The following FILIP1L variants were observed in gnomAD, a reference collection of about 807,000 sequenced individuals.
The protein encoded by FILIP1L is filamin A-interacting protein 1-like.
Under a neutral mutation model 96.6 loss-of-function variants are expected in FILIP1L, and 55 were observed. The ratio of observed to expected loss-of-function variants is 0.57; its 90% CI spans 0.46 to 0.71. The LOEUF (loss-of-function observed/expected upper bound fraction) is 0.71, where lower values mean the gene tolerates loss of function less well. Among genes scored for constraint, FILIP1L ranks in the 30% least tolerant of loss-of-function variants. The pLI is 0.00. For missense variants in FILIP1L, 1,304 were observed against 1,321.2 expected (o/e 0.99, Z 0.20); for synonymous variants, 467 against 473.9 (o/e 0.99, Z 0.19).
At chr3:99,843,972 T>G (rs1054724736) in intron 5 of FILIP1L, among the ~76,000 whole-genome samples, 2 of 152,178 alleles carry the variant, frequency 1.3e-5, no homozygotes, top group African/African-American at 4.8e-5. Flanking sequence ...GTGGACAGTT[T>G]CATCCTGAAA....
intron 1 of FILIP1L, among the ~76,000 whole-genome samples, chr3:100,041,749 T>C (rs1347805141): frequency 6.6e-6 from 1 of 152,210 alleles, no homozygotes; most frequent in Non-Finnish European, 1.5e-5. Flanking sequence ...CTATGTAGCA[T>C]GGTTTTAGAC....
chr3:100,012,275 A>G (rs1710179548), intron 1 of FILIP1L, among the ~76,000 whole-genome samples: 1 of 152,142 alleles, frequency 6.6e-6, no homozygotes, highest in Admixed American at 6.5e-5. Context: ...TACTTTGTCA[A>G]CCAATTAGAA....
chr3:99,968,710 CAG>C (rs759394370), intron 1 of FILIP1L, among the ~76,000 whole-genome samples: 8 of 152,072 alleles, frequency 5.3e-5, no homozygotes, highest in Non-Finnish European at 7.4e-5. Flanking sequence ...AAGGAAAAAA[CAG>C]AGAAATAAGA....
At chr3:99,935,290 T>C (rs1320076813) in intron 1 of FILIP1L, among the ~76,000 whole-genome samples, 8 of 152,008 alleles carry the variant, frequency 5.3e-5, no homozygotes, top group Non-Finnish European at 8.8e-5. Flanking sequence ...GAAAGTTGCT[T>C]TTTGTGTATG....
chr3:100,000,825 G>A (rs1295288202), intron 1 of FILIP1L, among the ~76,000 whole-genome samples: 1 of 152,222 alleles, frequency 6.6e-6, no homozygotes, highest in African/African-American at 2.4e-5. Context: ...ATAACATACA[G>A]ATTGGTTTAC....
intron 1 of FILIP1L, among the ~76,000 whole-genome samples, chr3:99,976,963 T>A (rs1708991119): frequency 6.6e-6 from 1 of 152,224 alleles, no homozygotes; most frequent in South Asian, 2.1e-4. Context: ...CCTGTGTGAC[T>A]GCACCTTGCA....
rs535761173 is a variant in FILIP1L at position 99,829,162 on chromosome 3, T to C, written c.*1252A>G. 1.4e-4 allele frequency among the ~76,000 whole-genome samples: 21 copies of C among 152,342 alleles called. No individual in the cohort carries two copies. The highest frequency in any genetic ancestry group is 7.2e-4 in the Admixed American group (11 of 15,304). On this transcript the variant is annotated 3_prime_UTR_variant, in exon 6 of 6. Coordinates refer to ENST00000477258, the MANE Select transcript of FILIP1L (RefSeq NM_001387850.1). The stretch of plus-strand genomic sequence containing the variant: ...AAAGCAGTCCTTAACCATGAGGATT[T>C]CTTCCAGGGTCATGCTTCCAGTTTT...
intron 5 of FILIP1L, among the ~76,000 whole-genome samples, chr3:99,835,123 TTCCTC>T (rs372010749): frequency 1.3e-5 from 2 of 152,348 alleles, no homozygotes; most frequent in Non-Finnish European, 2.9e-5. Flanking sequence ...TCTCTCAACT[TTCCTC>T]TCTCTCCAAT....
chr3:99,911,568 C>G (rs1706790095), intron 4 of FILIP1L, among the ~76,000 whole-genome samples: 2 of 152,048 alleles, frequency 1.3e-5, no homozygotes, highest in East Asian at 1.9e-4. Context: ...CATCCTCACC[C>G]GAGGCTTAAC....
chr3:100,046,769 A>T (rs1042544129), intron 1 of FILIP1L, among the ~76,000 whole-genome samples: 2 of 152,198 alleles, frequency 1.3e-5, no homozygotes, highest in African/African-American at 4.8e-5. Flanking sequence ...AAACCTGATA[A>T]GGCCAGGTCT....
Position 99,958,286 on chromosome 3 carries a change from A to G in FILIP1L, c.-10-27256T>C, listed in dbSNP as rs141303635. Among the ~76,000 whole-genome samples the G allele has an allele frequency of 3.8e-3, 565 of 150,490 alleles. 3 individuals are homozygous for G. Among genetic ancestry groups the G allele is most frequent in the African/African-American group, 0.013 (538 of 41,068 alleles). On this transcript the variant is annotated intron_variant, in intron 1 of 5. Transcript: ENST00000477258. Reference sequence around the variant, plus strand: ...CATGGAGGTTTAGTTTGAATTTAAGAGAACAGTAACAGAAAGGGAAAATAA... The same window carrying G: ...CATGGAGGTTTAGTTTGAATTTAAGGGAACAGTAACAGAAAGGGAAAATAA...
intron 4 of FILIP1L, among the ~76,000 whole-genome samples, chr3:99,918,842 G>A (rs1220335024): frequency 6.6e-6 from 1 of 152,138 alleles, no homozygotes; most frequent in African/African-American, 2.4e-5. Context: ...ATTTTGTTCT[G>A]TCAAAGAACT....
intron 1 of FILIP1L, among the ~76,000 whole-genome samples, chr3:100,039,081 A>G (rs921394235): frequency 4.6e-5 from 7 of 152,240 alleles, no homozygotes; most frequent in African/African-American, 1.7e-4. Context: ...TTTAATGCTT[A>G]TAAAAAGAAT....
chr3:99,858,018 C>A (rs923025480), intron 4 of FILIP1L, among the ~76,000 whole-genome samples: 3 of 152,158 alleles, frequency 2.0e-5, no homozygotes, highest in Admixed American at 6.5e-5. Context: ...AGTTCCAGCA[C>A]AATTCAGTAA....
At chr3:100,111,604 G>A (rs1020193984) in intron 1 of FILIP1L, among the ~76,000 whole-genome samples, 3 of 152,160 alleles carry the variant, frequency 2.0e-5, no homozygotes, top group South Asian at 2.1e-4. Flanking sequence ...CTCTTTCAGT[G>A]TAGGCTCCAG....
rs115443123 is a variant in FILIP1L, at chr3:99,996,894, A to G, written c.-10-65864T>C. Among the ~76,000 whole-genome samples, 836 of 152,242 alleles carry G rather than the reference A, an allele frequency of 5.5e-3. 6 individuals are homozygous for G. Among genetic ancestry groups the G allele is most frequent in the African/African-American group, 0.019 (789 of 41,532 alleles). The stretch of plus-strand genomic sequence containing the variant: ...ATTTGGGTGGGGACACAGCCAAACC[A>G]TATCACTGGGTCAATGAAGAAATTA... On this transcript the variant is annotated intron_variant, in intron 1 of 5. Coordinates refer to ENST00000477258, the MANE Select transcript of FILIP1L (RefSeq NM_001387850.1).
At chr3:100,028,494 A>G (rs540686030) in intron 1 of FILIP1L, among the ~76,000 whole-genome samples, 16 of 152,298 alleles carry the variant, frequency 1.1e-4, no homozygotes, top group African/African-American at 3.6e-4. Flanking sequence ...CAGATGGAGT[A>G]TGATTTAATT....
intron 4 of FILIP1L, among the ~76,000 whole-genome samples, chr3:99,864,640 C>T (rs1718235): frequency 0.49 from 74,380 of 151,708 alleles, 18,699 homozygotes; most frequent in East Asian, 0.69. Flanking sequence ...TGTTCATTCC[C>T]ATGCTTTCTG....
intron 1 of FILIP1L, among the ~76,000 whole-genome samples, chr3:100,032,640 C>G (rs1191946293): frequency 6.6e-6 from 1 of 152,090 alleles, no homozygotes; most frequent in Non-Finnish European, 1.5e-5. Flanking sequence ...TATTGACGAA[C>G]TTTAAAATAA....
Sources: allele counts gnomAD v4.1 joint callset (sites outside exome capture counted in the v4.1 genomes callset), GRCh38; gene constraint gnomAD v4.1.1; transcripts MANE v1.5; gene names NCBI Gene and HGNC (gene_info 2026-07-23, HGNC 2026-07-21).